The following LINGO2 variants were observed in gnomAD, a reference collection of about 807,000 sequenced individuals.
LINGO2 encodes leucine-rich repeat and immunoglobulin-like domain-containing nogo receptor-interacting protein 2.
In LINGO2, 14 loss-of-function variants were observed where a neutral mutation model predicts 30.6. That is an observed-to-expected ratio of 0.46 (90% confidence interval 0.30 to 0.72). The LOEUF (loss-of-function observed/expected upper bound fraction) is 0.72, where lower values mean the gene tolerates loss of function less well. Among genes scored for constraint, LINGO2 ranks in the 30% least tolerant of loss-of-function variants. The pLI is 0.07. For missense variants in LINGO2, 729 were observed against 751.7 expected, an observed-to-expected ratio of 0.97 and a Z score of 0.35; for synonymous variants, 317 against 288.5, an observed-to-expected ratio of 1.10 and a Z score of -1.00.
chr9:28,462,724 T>C (rs76316111), intron 2 of LINGO2, among the ~76,000 whole-genome samples: 3,253 of 152,162 alleles, frequency 0.021, 122 homozygotes, highest in African/African-American at 0.074. Flanking sequence ...ATTTTCTAGT[T>C]TAATTACCTC....
At chr9:28,288,501 T>C (rs1334783934) in intron 4 of LINGO2, among the ~76,000 whole-genome samples, 2 of 152,194 alleles carry the variant, frequency 1.3e-5, no homozygotes, top group Non-Finnish European at 2.9e-5. Flanking sequence ...CTCAGTTCGT[T>C]TGTCCTGAAA....
the LINGO2 span, among the ~76,000 whole-genome samples, chr9:29,010,089 C>T: frequency 6.6e-6 from 1 of 152,022 alleles, no homozygotes; most frequent in African/African-American, 2.4e-5. Context: ...AAGAAGAAAC[C>T]CTAGGCAATA....
At chr9:28,256,401 A>C (rs901258689) in intron 4 of LINGO2, among the ~76,000 whole-genome samples, 1 of 151,938 alleles carries the variant, frequency 6.6e-6, no homozygotes, top group African/African-American at 2.4e-5. Flanking sequence ...CCTTCATGCT[A>C]GACCGAATTC....
At chr9:28,351,330 C>T (rs1819876039) in intron 3 of LINGO2, among the ~76,000 whole-genome samples, 1 of 144,290 alleles carries the variant, frequency 6.9e-6, no homozygotes, top group South Asian at 2.3e-4. Flanking sequence ...CACCACCGAT[C>T]CCACAGAAAT....
the LINGO2 span, among the ~76,000 whole-genome samples, chr9:28,780,960 T>C: frequency 0.063 from 9,485 of 151,626 alleles, 969 homozygotes; most frequent in African/African-American, 0.21. Context: ...AGTAGGAAAT[T>C]ACAGTAACAA....
At chr9:29,155,474 C>T in the LINGO2 span, among the ~76,000 whole-genome samples, 1 of 151,630 alleles carries the variant, frequency 6.6e-6, no homozygotes, top group African/African-American at 2.4e-5. Flanking sequence ...CCACAAGTTT[C>T]CAGGGATCAG....
At chr9:27,949,028 G>T (rs754929106) in exon 6 of LINGO2, 6 of 1,614,122 alleles carry the variant, frequency 3.7e-6, no homozygotes, top group Non-Finnish European at 5.1e-6. Flanking sequence ...ATGTGAAGCA[G>T]CCCATAGCTG....
At chr9:28,302,543 C>A (rs1824187841) in intron 3 of LINGO2, among the ~76,000 whole-genome samples, 1 of 152,098 alleles carries the variant, frequency 6.6e-6, no homozygotes. Context: ...TGGTGGCACA[C>A]ACCTGTTGTC....
intron 5 of LINGO2, among the ~76,000 whole-genome samples, chr9:27,986,290 A>G (rs1821120399): frequency 6.6e-6 from 1 of 151,774 alleles, no homozygotes; most frequent in East Asian, 1.9e-4. Context: ...TCTTCAGGAC[A>G]TCTTTAAACA....
chr9:28,479,919 A>G (rs1338267091), intron 1 of LINGO2, among the ~76,000 whole-genome samples: 129 of 67,082 alleles, frequency 1.9e-3, no homozygotes, highest in South Asian at 3.5e-3. Flanking sequence ...AGGTATATAT[A>G]TATATATATA....
intron 1 of LINGO2, among the ~76,000 whole-genome samples, chr9:28,612,360 A>G (rs1025497630): frequency 6.6e-6 from 1 of 152,064 alleles, no homozygotes; most frequent in African/African-American, 2.4e-5. Flanking sequence ...AGTGGCCCAC[A>G]TTTTCTTTAT....
chr9:29,035,594 G>C, the LINGO2 span, among the ~76,000 whole-genome samples: 1 of 94,190 alleles, frequency 1.1e-5, no homozygotes, highest in Admixed American at 1.2e-4. Flanking sequence ...AAGCTTTTGT[G>C]CAGAAGCTTG....
intron 1 of LINGO2, among the ~76,000 whole-genome samples, chr9:28,492,222 G>A (rs1483206852): frequency 6.6e-6 from 1 of 152,146 alleles, no homozygotes; most frequent in Non-Finnish European, 1.5e-5. Flanking sequence ...ATGTGCCAGT[G>A]AGACTAAGTG....
chr9:28,245,653 A>G (rs1821970227), intron 4 of LINGO2, among the ~76,000 whole-genome samples: 1 of 152,124 alleles, frequency 6.6e-6, no homozygotes, highest in Non-Finnish European at 1.5e-5. Flanking sequence ...ACAACAATAG[A>G]CAAGCAGAGA....
At chr9:28,348,853 G>A (rs1819713733) in intron 3 of LINGO2, among the ~76,000 whole-genome samples, 1 of 152,052 alleles carries the variant, frequency 6.6e-6, no homozygotes, top group Non-Finnish European at 1.5e-5. Context: ...TGAACCCCGG[G>A]CAGCCTAACT....
intron 4 of LINGO2, among the ~76,000 whole-genome samples, chr9:28,105,411 C>A (rs111512460): frequency 0.013 from 1,920 of 152,236 alleles, 33 homozygotes; most frequent in African/African-American, 0.039. Flanking sequence ...ATGGAGTTTG[C>A]ATTCTACTCT....
the LINGO2 span, among the ~76,000 whole-genome samples, chr9:28,849,764 CCTCAGCT>C: frequency 6.6e-6 from 1 of 151,982 alleles, no homozygotes; most frequent in African/African-American, 2.4e-5. Flanking sequence ...TCTTCCTACC[CCTCAGCT>C]CTCAGCTTAG....
At chr9:28,898,224 T>C in the LINGO2 span, among the ~76,000 whole-genome samples, 1 of 152,204 alleles carries the variant, frequency 6.6e-6, no homozygotes, top group Non-Finnish European at 1.5e-5. Flanking sequence ...ACGTGATTGA[T>C]AAGACAATAG....
At chr9:28,604,350 A>C (rs1312737100) in intron 1 of LINGO2, among the ~76,000 whole-genome samples, 1 of 152,108 alleles carries the variant, frequency 6.6e-6, no homozygotes. Context: ...TTTGGTTTTT[A>C]TGACTTAGGG....
Sources: allele counts gnomAD v4.1 joint callset (sites outside exome capture counted in the v4.1 genomes callset), GRCh38; gene constraint gnomAD v4.1.1; transcripts MANE v1.5; gene names NCBI Gene and HGNC (gene_info 2026-07-23, HGNC 2026-07-21).